Variants in TNIP1 observed in about 807,000 individuals in gnomAD.
TNIP1 encodes the protein TNFAIP3-interacting protein 1.
TNIP1 carries 22 observed loss-of-function variants against 86.6 expected under a neutral mutation model. The ratio of observed to expected loss-of-function variants is 0.25; its 90% CI spans 0.18 to 0.36. The LOEUF (loss-of-function observed/expected upper bound fraction) is 0.36, where lower values mean the gene tolerates loss of function less well. Ranked by LOEUF, TNIP1 falls within the 10% of genes least tolerant of loss-of-function variation. TNIP1 has a pLI of 1.00. For missense variants in TNIP1, 709 were observed against 820.6 expected (o/e 0.86, Z 1.66); for synonymous variants, 294 against 313.0 (o/e 0.94, Z 0.64).
At position 151,063,895 on chromosome 5, in the gene TNIP1, T is replaced by G; in HGVS notation, c.137-148A>C. 3.1e-6 allele frequency: 3 copies of G among 955,862 alleles called. No homozygotes were observed. In the South Asian group the frequency reaches 5.2e-5, roughly 16 times the overall value. 59.2% of individuals were successfully genotyped at this position (955,862 alleles called of 1,614,324 possible). A position where few individuals can be genotyped will look rare whatever the true frequency, so the allele number is the denominator to read the frequency against. On this transcript the variant is annotated intron_variant, in intron 2 of 17. Coordinates refer to ENST00000521591, the MANE Select transcript of TNIP1 (RefSeq NM_006058.5). ...TCCCACCGTTGCTCTGTGGGCCAAG[T>G]GGGACAAACTCCATGCTGGTCCACC... is the stretch of plus-strand genomic sequence containing the variant.
intron 1 of TNIP1, among the ~76,000 whole-genome samples, chr5:151,072,978 T>C (rs759702440): frequency 6.6e-6 from 1 of 152,084 alleles, no homozygotes; most frequent in South Asian, 2.1e-4. Context: ...TTCCAGCACT[T>C]TGGGAGGCCG....
At chr5:151,043,137 C>T (rs991234093) in intron 9 of TNIP1, among the ~76,000 whole-genome samples, 176 bp from the exon 10 acceptor site, 15 of 152,216 alleles carry the variant, frequency 9.9e-5, no homozygotes, top group African/African-American at 3.4e-4. Context: ...AGCCATCCAC[C>T]TTCATCCACT....
In TNIP1 at chr5:151,035,211, C is replaced by T. The variant is rs1336917541; in HGVS notation, c.1522-144G>A. Reference sequence around the variant, plus strand: ...TGCGTGGGCCAGCCCCGGGAAAGGGCCCTGAGGGCGGAGCACAGCCCAGGC... The same window carrying T: ...TGCGTGGGCCAGCCCCGGGAAAGGGTCCTGAGGGCGGAGCACAGCCCAGGC... On this transcript the variant is annotated intron_variant, in intron 14 of 17. Transcript: ENST00000521591. The T allele has an allele frequency of 1.0e-5, 10 of 958,280 alleles. No individual in the cohort carries two copies. In the African/African-American group the frequency reaches 1.6e-4, roughly 16 times the overall value. 59.4% of individuals were successfully genotyped at this position (958,280 alleles called of 1,614,324 possible).
intron 1 of TNIP1, among the ~76,000 whole-genome samples, chr5:151,079,398 C>T (rs919856607): frequency 5.3e-5 from 8 of 152,044 alleles, no homozygotes; most frequent in Admixed American, 3.9e-4. Flanking sequence ...CTGAGACGGG[C>T]GGATCACTTG....
At chr5:151,042,031 C>G (rs1561820948) in intron 11 of TNIP1, among the ~76,000 whole-genome samples, 1 of 151,746 alleles carries the variant, frequency 6.6e-6, no homozygotes, top group Non-Finnish European at 1.5e-5. Context: ...ACCTCCGCCT[C>G]CCAGGTTCAA....
At chr5:151,058,966 T>G (rs182989227) in intron 5 of TNIP1, among the ~76,000 whole-genome samples, 61 of 152,294 alleles carry the variant, frequency 4.0e-4, no homozygotes, top group Admixed American at 1.9e-3. Context: ...TGTGCCGCAT[T>G]CTAACAAGAG....
At position 151,049,938 on chromosome 5, in the gene TNIP1, A is replaced by T. The variant is rs1445225429; in HGVS notation, c.732T>A (p.Asn244Lys). The T allele has an allele frequency of 1.2e-6, 2 of 1,613,952 alleles. No individual in the cohort carries two copies. The highest frequency in any genetic ancestry group is 1.7e-6 in the Non-Finnish European group (2 of 1,179,950). The part of the protein sequence containing the change: ...DQAAERLREE[N>K]LELKKLLMSN... Reference sequence around the variant, plus strand: ...TCATCAACAACTTCTTGAGCTCCAAATTTTCCTCCCTGGGATGGAGGTAAA... The same window carrying T: ...TCATCAACAACTTCTTGAGCTCCAATTTTTCCTCCCTGGGATGGAGGTAAA... Residue 244 changes from asparagine (N) to lysine (K), a missense_variant, in exon 8 of 18, where the codon AAT becomes AAA. Transcript: ENST00000521591.
At chr5:151,054,885 C>G (rs1036804881) in intron 6 of TNIP1, among the ~76,000 whole-genome samples, 1 of 152,198 alleles carries the variant, frequency 6.6e-6, no homozygotes, top group Non-Finnish European at 1.5e-5. Context: ...CTGGGCGAGG[C>G]CTCCAGGGAA....
intron 5 of TNIP1, among the ~76,000 whole-genome samples, chr5:151,057,277 C>T (rs1234822929): frequency 6.6e-6 from 1 of 152,208 alleles, no homozygotes; most frequent in African/African-American, 2.4e-5. Context: ...TCCGCACAAC[C>T]CTTCCCTCCC....
intron 5 of TNIP1, among the ~76,000 whole-genome samples, chr5:151,059,974 T>C (rs1761334005): frequency 6.6e-6 from 1 of 152,002 alleles, no homozygotes; most frequent in Admixed American, 6.6e-5. Flanking sequence ...CCCTGGGCCT[T>C]CCTGACCCTT....
intron 8 of TNIP1, among the ~76,000 whole-genome samples, chr5:151,047,398 A>C (rs969229365): frequency 5.3e-5 from 8 of 152,362 alleles, no homozygotes; most frequent in Non-Finnish European, 1.2e-4. Context: ...ATGAAAAGCA[A>C]GGAACAGCTA....
At position 151,030,295 on chromosome 5, in the gene TNIP1, A is replaced by T; in HGVS notation, c.*418T>A. The T allele has an allele frequency of 2.6e-6, 1 of 379,746 alleles. No homozygotes were observed. The highest frequency in any genetic ancestry group is 5.2e-6 in the Non-Finnish European group (1 of 191,270). The allele number at this position is 379,746 out of a possible 1,614,324, so 23.5% of individuals were successfully genotyped here. ...GGGCAGGTCCTGCTACAGAGCTTGA[A>T]GCAAAAATTAAACACACACACAAAT... On this transcript the variant is annotated 3_prime_UTR_variant, in exon 18 of 18. Coordinates refer to ENST00000521591, the MANE Select transcript of TNIP1 (RefSeq NM_006058.5).
chr5:151,052,885 T>C (rs17111695), intron 6 of TNIP1, among the ~76,000 whole-genome samples: 25,934 of 152,016 alleles, frequency 0.17, 2,290 homozygotes, highest in South Asian at 0.21. Flanking sequence ...AGGAACAACA[T>C]GACTGAACAG....
At chr5:151,050,075 TG>T (rs1759708270) in intron 7 of TNIP1, 128 bp from the exon 8 acceptor site, 2 of 1,477,524 alleles carry the variant, frequency 1.4e-6, no homozygotes, top group Non-Finnish European at 1.8e-6. Flanking sequence ...TCCTGAAACC[TG>T]CCCTCCTGGA....
chr5:151,052,125 C>A (rs1198234817), intron 7 of TNIP1, 40 bp downstream of exon 7: 1 of 1,582,336 alleles, frequency 6.3e-7, no homozygotes, highest in East Asian at 2.2e-5. Context: ...CCTCCTGCAG[C>A]CCCCACTCCT....
At chr5:151,056,371 C>CA (rs1760655818) in intron 6 of TNIP1, among the ~76,000 whole-genome samples, 2 of 151,826 alleles carry the variant, frequency 1.3e-5, no homozygotes, top group African/African-American at 4.8e-5. Context: ...TGACCTTGGG[C>CA]AAAAAAAGGG....
chr5:151,050,932 G>A (rs931884094), intron 7 of TNIP1, among the ~76,000 whole-genome samples: 5 of 152,118 alleles, frequency 3.3e-5, no homozygotes, highest in Non-Finnish European at 5.9e-5. Context: ...CCGCCTTAAC[G>A]TCCCAAAGTG....
intron 1 of TNIP1, among the ~76,000 whole-genome samples, chr5:151,074,945 T>C (rs1425575647): frequency 6.6e-6 from 1 of 152,198 alleles, no homozygotes; most frequent in Non-Finnish European, 1.5e-5. Context: ...ACCCAGCTAA[T>C]TTTTGTATTG....
At chr5:151,080,683 C>T (rs13356414) in intron 1 of TNIP1, among the ~76,000 whole-genome samples, 197 bp downstream of exon 1, 23,423 of 152,224 alleles carry the variant, frequency 0.15, 2,451 homozygotes, top group East Asian at 0.51. Context: ...CGCCCCCCAC[C>T]AGGCCCAGCG....
Sources: allele counts gnomAD v4.1 joint callset (sites outside exome capture counted in the v4.1 genomes callset), GRCh38; gene constraint gnomAD v4.1.1; transcripts MANE v1.5; gene names NCBI Gene and HGNC (gene_info 2026-07-23, HGNC 2026-07-21).